PRDM6: variants seen among roughly 807,000 people sequenced by gnomAD.
The protein encoded by PRDM6 is putative histone-lysine N-methyltransferase PRDM6.
Under a neutral mutation model 60.8 loss-of-function variants are expected in PRDM6, and 25 were observed. That is an observed-to-expected ratio of 0.41 (90% CI 0.30 to 0.57). PRDM6 has a LOEUF of 0.57. Ranked by LOEUF, PRDM6 falls within the 20% of genes least tolerant of loss-of-function variation. The pLI is 0.27. For missense variants in PRDM6, 839 were observed against 821.3 expected (o/e 1.02, Z -0.26); for synonymous variants, 407 against 357.4 (o/e 1.14, Z -1.57).
intron 6 of PRDM6, among the ~76,000 whole-genome samples, chr5:123,171,703 CTCAGAG>C (rs139028770): frequency 0.039 from 5,946 of 152,156 alleles, 379 homozygotes; most frequent in African/African-American, 0.13. Flanking sequence ...GACTAGATAC[CTCAGAG>C]TCAAAGTTGG....
chr5:123,183,712 A>T (rs1468763155), intron 7 of PRDM6, among the ~76,000 whole-genome samples: 1 of 152,232 alleles, frequency 6.6e-6, no homozygotes, highest in African/African-American at 2.4e-5. Context: ...TTTAACAGCA[A>T]TGGCCAAGCA....
intron 7 of PRDM6, among the ~76,000 whole-genome samples, chr5:123,185,583 A>G (rs1278706516): frequency 2.6e-5 from 4 of 152,222 alleles, no homozygotes; most frequent in Non-Finnish European, 4.4e-5. Flanking sequence ...ACATTTGTCA[A>G]GATCACAGTG....
intron 6 of PRDM6, among the ~76,000 whole-genome samples, chr5:123,175,740 G>T (rs1052951945): frequency 6.6e-6 from 1 of 152,138 alleles, no homozygotes; most frequent in Non-Finnish European, 1.5e-5. Flanking sequence ...TGTCCTGGAG[G>T]CCATGGAAGA....
intron 3 of PRDM6, among the ~76,000 whole-genome samples, chr5:123,110,568 CT>C (rs974674301): frequency 9.2e-4 from 108 of 116,920 alleles, no homozygotes; most frequent in East Asian, 1.9e-3. Flanking sequence ...TTTTTTTTTT[CT>C]TTTTTTTTTT....
chr5:123,147,745 G>C (rs201237614), intron 3 of PRDM6, among the ~76,000 whole-genome samples: 1 of 152,180 alleles, frequency 6.6e-6, no homozygotes, highest in Admixed American at 6.5e-5. Context: ...TCAGTGGCTT[G>C]TTCAGATCAC....
chr5:123,153,491 G>A (rs528267437), intron 3 of PRDM6, among the ~76,000 whole-genome samples: 1 of 152,282 alleles, frequency 6.6e-6, no homozygotes, highest in South Asian at 2.1e-4. Flanking sequence ...TTAAGTAGGT[G>A]CATGGGATTT....
At chr5:123,165,530 G>A (rs998695042) in intron 5 of PRDM6, among the ~76,000 whole-genome samples, 2 of 152,202 alleles carry the variant, frequency 1.3e-5, no homozygotes, top group South Asian at 2.1e-4. Context: ...CCAGAGTGAA[G>A]TTTCAACCAC....
At chr5:123,155,262 CTT>C (rs759225954) in intron 3 of PRDM6, among the ~76,000 whole-genome samples, 80 of 92,712 alleles carry the variant, frequency 8.6e-4, no homozygotes, top group Admixed American at 1.6e-3. Flanking sequence ...GAGGGTCTCT[CTT>C]TTTTTTTTTT....
At position 123,155,270 on chromosome 5, in the gene PRDM6, T is replaced by G. The variant is rs568679063; in HGVS notation, c.901-614T>G. Among the ~76,000 whole-genome samples the G allele has an allele frequency of 3.5e-3, 510 of 147,040 alleles. 2 individuals carry two copies. Among genetic ancestry groups the G allele is most frequent in the Admixed American group, 5.0e-3 (74 of 14,792 alleles). On this transcript the variant is annotated intron_variant, in intron 3 of 7. Coordinates refer to ENST00000407847, the MANE Select transcript of PRDM6 (RefSeq NM_001136239.4). ...CTTTTTTGAGGGTCTCTCTTTTTTT[T>G]TTTTTTTTTTTTTTAATGACTCCTC...
At chr5:123,163,018 A>G (rs1765672011) in intron 5 of PRDM6, among the ~76,000 whole-genome samples, 4 of 152,242 alleles carry the variant, frequency 2.6e-5, no homozygotes, top group African/African-American at 9.6e-5. Context: ...TAGCAATTCC[A>G]AGACATTTTT....
At chr5:123,095,584 C>T (rs1763937106) in intron 2 of PRDM6, among the ~76,000 whole-genome samples, 1 of 152,250 alleles carries the variant, frequency 6.6e-6, no homozygotes, top group Non-Finnish European at 1.5e-5. Flanking sequence ...CGATGGGCGC[C>T]GGCCCCTCGG....
At chr5:123,135,835 C>G (rs1236745280) in intron 3 of PRDM6, among the ~76,000 whole-genome samples, 1 of 152,158 alleles carries the variant, frequency 6.6e-6, no homozygotes, top group Non-Finnish European at 1.5e-5. Flanking sequence ...CCATGATACA[C>G]AAATATTAAA....
At chr5:123,176,292 A>C (rs1381046678) in intron 6 of PRDM6, among the ~76,000 whole-genome samples, 3 of 151,402 alleles carry the variant, frequency 2.0e-5, no homozygotes, top group Non-Finnish European at 1.5e-5. Flanking sequence ...AACAAAAAAA[A>C]AACCATAAGT....
chr5:123,091,807 T>G (rs1208518514), intron 2 of PRDM6, among the ~76,000 whole-genome samples: 1 of 152,246 alleles, frequency 6.6e-6, no homozygotes, highest in Non-Finnish European at 1.5e-5. Flanking sequence ...TTTAAAACAT[T>G]TATTTTTATT....
At chr5:123,162,995 A>G (rs796859202) in intron 5 of PRDM6, among the ~76,000 whole-genome samples, 6 of 152,242 alleles carry the variant, frequency 3.9e-5, no homozygotes, top group South Asian at 4.1e-4. Flanking sequence ...AATTTAAATC[A>G]TCTCCACTGG....
intron 4 of PRDM6, among the ~76,000 whole-genome samples, chr5:123,157,611 C>T (rs1351086729): frequency 6.6e-6 from 1 of 152,140 alleles, no homozygotes; most frequent in Non-Finnish European, 1.5e-5. Flanking sequence ...AAATGAAATA[C>T]AAAAGCCCAA....
At chr5:123,144,535 G>A (rs1765193819) in intron 3 of PRDM6, among the ~76,000 whole-genome samples, 1 of 152,068 alleles carries the variant, frequency 6.6e-6, no homozygotes, top group South Asian at 2.1e-4. Flanking sequence ...GATGGTTTGA[G>A]GAGTCAGTGA....
intron 2 of PRDM6, among the ~76,000 whole-genome samples, chr5:123,093,961 AG>A (rs1264256392): frequency 1.3e-5 from 2 of 151,390 alleles, no homozygotes; most frequent in African/African-American, 4.9e-5. Context: ...CAAATTCCCC[AG>A]TTGGGGGAGG....
chr5:123,180,438 C>A, intron 7 of PRDM6, 115 bp downstream of exon 7: 1 of 1,083,052 alleles, frequency 9.2e-7, no homozygotes, highest in Non-Finnish European at 1.3e-6. Context: ...ACTTGGAAGG[C>A]CAGTGTCCAG....
Sources: gnomAD v4.1 joint callset for allele counts (sites outside exome capture counted in the v4.1 genomes callset) on GRCh38, gnomAD v4.1.1 for gene constraint, MANE v1.5 for transcripts, NCBI Gene and HGNC (gene_info 2026-07-23, HGNC 2026-07-21) for gene names.